CTNND1: variants seen among roughly 807,000 people sequenced by gnomAD.
CTNND1 encodes the protein catenin delta 1.
A neutral mutation model predicts 112.1 loss-of-function variants in CTNND1; 16 were observed. That is an observed-to-expected ratio of 0.14 (90% confidence interval 0.10 to 0.22). CTNND1 has a LOEUF of 0.22. Ranked by LOEUF, CTNND1 falls within the 10% of genes least tolerant of loss-of-function variation. The probability of loss-of-function intolerance (pLI) is 1.00; values close to 1 mark genes in which losing one functional copy is unlikely to be tolerated. For missense variants in CTNND1, 1,008 were observed against 1,257.0 expected (o/e 0.80, Z 3.00); for synonymous variants, 420 against 446.5 (o/e 0.94, Z 0.75).
At chr11:57,771,010 G>A (rs1952437792) in intron 1 of CTNND1, among the ~76,000 whole-genome samples, 1 of 152,028 alleles carries the variant, frequency 6.6e-6, no homozygotes, top group South Asian at 2.1e-4. Flanking sequence ...GGGCACAGTT[G>A]GCCTCTTGGA....
At chr11:57,814,224 G>C (rs1290004808) in intron 17 of CTNND1, 87 bp from the exon 18 acceptor site, 2 of 880,194 alleles carry the variant, frequency 2.3e-6, no homozygotes, top group Admixed American at 2.0e-5. Flanking sequence ...ATGAAGGGAA[G>C]GAAGGAGGAC....
chr11:57,780,358 A>G (rs2059444451), intron 1 of CTNND1, among the ~76,000 whole-genome samples: 1 of 152,094 alleles, frequency 6.6e-6, no homozygotes, highest in South Asian at 2.1e-4. Flanking sequence ...CCTGGCCCGA[A>G]GAATGACTTT....
intron 1 of CTNND1, among the ~76,000 whole-genome samples, chr11:57,787,940 G>A (rs1443488860): frequency 6.6e-6 from 1 of 152,242 alleles, no homozygotes. Context: ...CTGAATTTAA[G>A]TTGCAGGGCC....
intron 1 of CTNND1, among the ~76,000 whole-genome samples, chr11:57,765,400 G>C (rs1216462998): frequency 6.6e-6 from 1 of 150,970 alleles, no homozygotes. Context: ...AAATTGCAAT[G>C]TACTTTTGCA....
chr11:57,808,676 G>A (rs1370190410), intron 14 of CTNND1, 136 bp downstream of exon 14: 4 of 795,048 alleles, frequency 5.0e-6, no homozygotes, highest in South Asian at 7.8e-5. Flanking sequence ...TTATGAATGC[G>A]AGAGTTGGTA....
chr11:57,791,493 G>A lies in CTNND1; in HGVS notation c.15G>A (p.Glu5=). Residue 5 remains glutamate (E), a synonymous_variant, in exon 3 of 21, where the codon GAG becomes GAA. Transcript: ENST00000399050. The part of the protein sequence containing the change: MDDS[E]VESTASILAS... Reference sequence around the variant, plus strand: ...CCCTTACCTTCATGGACGACTCAGAGGTGGAGTCGACCGCCAGCATCTTGG... The same window carrying A: ...CCCTTACCTTCATGGACGACTCAGAAGTGGAGTCGACCGCCAGCATCTTGG... The A allele has an allele frequency of 6.4e-7, 1 of 1,552,900 alleles. No individual in the cohort carries two copies. The highest frequency in any genetic ancestry group is 1.2e-5 in the South Asian group (1 of 84,256).
At chr11:57,801,242 A>C (rs1387182765) in intron 6 of CTNND1, among the ~76,000 whole-genome samples, 2 of 152,212 alleles carry the variant, frequency 1.3e-5, no homozygotes, top group Non-Finnish European at 2.9e-5. Context: ...ATGTATTTAA[A>C]GGTCTTATCC....
rs1280318957 is a variant in CTNND1, at chr11:57,805,919, C to T, written c.1760C>T (p.Ser587Leu). The change falls in exon 10 of 21, where the codon TCA becomes TTA. Residue 587 changes from serine (S) to leucine (L), a missense_variant. Ser to Leu is a moderately radical substitution (Grantham distance 145, BLOSUM62 -2). Transcript: ENST00000399050. ...ENCVCLLRNLSYQVHREIPQA... is the reference protein window; with the variant it reads ...ENCVCLLRNLLYQVHREIPQA... ...TGTGTTTGCCTTCTTCGGAACTTAT[C>T]ATATCAAGTTCACCGGGAGATCCCA... The T allele has an allele frequency of 6.2e-7, 1 of 1,613,860 alleles. No homozygotes were observed. The highest frequency in any genetic ancestry group is 8.5e-7 in the Non-Finnish European group (1 of 1,179,814).
chr11:57,811,801 T>TAG (rs869098506), intron 17 of CTNND1, among the ~76,000 whole-genome samples: 3 of 102,772 alleles, frequency 2.9e-5, no homozygotes, highest in African/African-American at 9.8e-5. Context: ...ATTGTAATAG[T>TAG]TACTATTTTA....
chr11:57,769,281 C>T (rs1467375663), intron 1 of CTNND1, among the ~76,000 whole-genome samples: 5 of 151,780 alleles, frequency 3.3e-5, no homozygotes, highest in African/African-American at 4.8e-5. Context: ...GATATCATGT[C>T]ATTGCACCCC....
chr11:57,809,527 T>C (rs983133613), intron 15 of CTNND1, 61 bp downstream of exon 15: 1 of 1,456,254 alleles, frequency 6.9e-7, no homozygotes, highest in Non-Finnish European at 9.3e-7. Context: ...GTTGTTTTCC[T>C]CTTTTGGTTA....
At chr11:57,768,764 C>T (rs1458033415) in intron 1 of CTNND1, among the ~76,000 whole-genome samples, 1 of 152,040 alleles carries the variant, frequency 6.6e-6, no homozygotes, top group Non-Finnish European at 1.5e-5. Flanking sequence ...TGAATGCTTC[C>T]TGTGAGAAGT....
At chr11:57,786,744 C>T (rs1352279448) in intron 1 of CTNND1, among the ~76,000 whole-genome samples, 1 of 152,120 alleles carries the variant, frequency 6.6e-6, no homozygotes, top group Non-Finnish European at 1.5e-5. Flanking sequence ...CATTCTTTCC[C>T]CACTCATACA....
chr11:57,815,984 G>C lies in CTNND1; in HGVS notation c.2878G>C (p.Val960Leu). The C allele has an allele frequency of 6.3e-7, 1 of 1,593,010 alleles. No individual in the cohort carries two copies. Among genetic ancestry groups the C allele is most frequent in the Non-Finnish European group, 8.5e-7 (1 of 1,174,182 alleles). Residue 960 changes from valine (V) to leucine (L), a missense_variant, in exon 20 of 21, where the codon GTG (valine) becomes CTG (leucine). Coordinates refer to ENST00000399050, the MANE Select transcript of CTNND1 (RefSeq NM_001085458.2). The part of the protein sequence containing the change: ...VLVLDDEGGQ[V>L]SYPSMQKI ...GGTTTTGGATGATGAGGGGGGCCAA[G>C]TGTCTTACCCCTCCATGGTATGTCC... is the stretch of plus-strand genomic sequence containing the variant.
rs147401852 is a variant in CTNND1 at position 57,795,631 on chromosome 11, A to G, written c.322A>G (p.Ile108Val). Residue 108 changes from isoleucine (I) to valine (V), a missense_variant, in exon 5 of 21, where the codon ATT becomes GTT. By Grantham distance (29) the Ile-to-Val change is conservative. This residue lies in a region of CTNND1 where 404 missense variants were observed against 457.9 expected (regional missense o/e 0.88). Coordinates refer to ENST00000399050, the MANE Select transcript of CTNND1 (RefSeq NM_001085458.2). Reference sequence around the variant, plus strand: ...CCCCAGGATGCAGGAGCCGGGGCAGATTGTGGAGACCTACACGGAGGAGGA... The same window carrying G: ...CCCCAGGATGCAGGAGCCGGGGCAGGTTGTGGAGACCTACACGGAGGAGGA... Reference protein sequence around the residue: ...TIPRMQEPGQIVETYTEEDPE... With the variant: ...TIPRMQEPGQVVETYTEEDPE... 2.5e-6 allele frequency: 4 copies of G among 1,611,310 alleles called. No homozygotes were observed. In the East Asian group the frequency reaches 6.7e-5, roughly 27 times the overall value.
chr11:57,807,801 A>G (rs1405846498), intron 12 of CTNND1, among the ~76,000 whole-genome samples: 1 of 152,016 alleles, frequency 6.6e-6, no homozygotes, highest in African/African-American at 2.4e-5. Flanking sequence ...GTTAAGTTAG[A>G]AATAATTGAT....
chr11:57,795,521 G>T (rs2061268975), intron 4 of CTNND1, 56 bp from the exon 5 acceptor site: 1 of 1,543,038 alleles, frequency 6.5e-7, no homozygotes, highest in Non-Finnish European at 8.7e-7. Context: ...TATTAGGATG[G>T]CTTGTTATAC....
In CTNND1 at chr11:57,796,856, C is replaced by A. The variant is rs368249782; in HGVS notation, c.820C>A (p.Arg274Ser). The change falls in exon 6 of 21, where the codon CGC (arginine) becomes AGC (serine). Residue 274 changes from arginine (R) to serine (S), a missense_variant. Transcript: ENST00000399050. ...AGGTGGGAGCAGCGTGGATCTGCAT[C>A]GCTTTCATCCAGAGCCTTATGGGCT... ...RVGGSSVDLH[R>S]FHPEPYGLED... The A allele has an allele frequency of 6.2e-7, 1 of 1,611,586 alleles. No individual in the cohort carries two copies. Among genetic ancestry groups the A allele is most frequent in the Admixed American group, 1.7e-5 (1 of 59,848 alleles).
At chr11:57,792,523 T>C (rs1000904356) in intron 3 of CTNND1, among the ~76,000 whole-genome samples, 11 of 152,340 alleles carry the variant, frequency 7.2e-5, no homozygotes, top group African/African-American at 2.6e-4. Context: ...ACCAGAACAG[T>C]ACTCATGCCC....
Sources: gnomAD v4.1 joint callset for allele counts (sites outside exome capture counted in the v4.1 genomes callset) on GRCh38, gnomAD v4.1.1 for gene constraint, gnomAD v4.1.1 regional missense constraint, MANE v1.5 for transcripts, NCBI Gene and HGNC (gene_info 2026-07-23, HGNC 2026-07-21) for gene names.